NRBP1: variants seen among roughly 807,000 people sequenced by gnomAD.
NRBP1 encodes the protein nuclear receptor-binding protein.
NRBP1 carries 10 observed loss-of-function variants against 76.0 expected under a neutral mutation model. The observed-to-expected ratio is 0.13, with a 90% CI of 0.08 to 0.22. NRBP1 has a LOEUF of 0.22. Ranked by LOEUF, NRBP1 falls within the 10% of genes least tolerant of loss-of-function variation. The pLI is 1.00. For missense variants in NRBP1, 344 were observed against 646.0 expected (o/e 0.53, Z 5.07); for synonymous variants, 235 against 240.2 (o/e 0.98, Z 0.20).
chr2:27,430,306 A>C (rs1209202527), intron 1 of NRBP1, among the ~76,000 whole-genome samples: 2 of 152,160 alleles, frequency 1.3e-5, no homozygotes, highest in Non-Finnish European at 2.9e-5. Context: ...AGTTAAACGT[A>C]GTGTAGATTG....
intron 1 of NRBP1, among the ~76,000 whole-genome samples, chr2:27,430,469 CTTTTTT>C (rs977927783): frequency 2.2e-5 from 3 of 138,688 alleles, no homozygotes. Context: ...TTCTTTTTTT[CTTTTTT>C]TTTTTTTTTT....
Position 27,433,429 on chromosome 2 carries a change from G to A in NRBP1, c.156G>A (p.Glu52=). Residue 52 remains glutamate, a synonymous_variant, in exon 2 of 18, where the codon GAG becomes GAA. Coordinates refer to ENST00000379852, the MANE Select transcript of NRBP1 (RefSeq NM_013392.4). Reference sequence around the variant, plus strand: ...AGGAAGAAGAAGAAAGTGAAGATGAGTCTGAGATTTTGGAAGAGTCGCCCT... The same window carrying A: ...AGGAAGAAGAAGAAAGTGAAGATGAATCTGAGATTTTGGAAGAGTCGCCCT... ...SPEEEEESED[E]SEILEESPCG... is the part of the protein sequence containing the mutation. 3 of 1,614,264 alleles carry A rather than the reference G, an allele frequency of 1.9e-6. No individual in the cohort carries two copies. Among genetic ancestry groups the A allele is most frequent in the Non-Finnish European group, 2.5e-6 (3 of 1,180,048 alleles).
chr2:27,434,563 A>G lies in NRBP1; in HGVS notation c.525+3A>G, dbSNP rs1177112456. 1 of 1,613,098 alleles carries G rather than the reference A, an allele frequency of 6.2e-7. No individual in the cohort carries two copies. Among genetic ancestry groups the G allele is most frequent in the Non-Finnish European group, 8.5e-7 (1 of 1,179,022 alleles). On this transcript the variant is annotated splice_donor_region_variant and intron_variant, in intron 5 of 17. Coordinates refer to ENST00000379852, the MANE Select transcript of NRBP1 (RefSeq NM_013392.4). ...ACCACAAGACGATGAATGAAAAGGT[A>G]TAGAAGGAGAGCAGACAAAGTTTGA...
intron 14 of NRBP1, 50 bp downstream of exon 14, chr2:27,440,990 G>A (rs1431342623): frequency 3.1e-6 from 5 of 1,611,652 alleles, no homozygotes; most frequent in African/African-American, 1.3e-5. Context: ...GTGGAAGGGA[G>A]AGAGGACATC....
chr2:27,435,353 C>T, intron 7 of NRBP1, 126 bp downstream of exon 7: 1 of 713,190 alleles, frequency 1.4e-6, no homozygotes, highest in Non-Finnish European at 2.4e-6. Context: ...AGAGAAAGGA[C>T]CTTGCTAGGA....
rs1664614824 is a variant in NRBP1, at chr2:27,442,209, A to G, written c.*397A>G. 1 of 539,902 alleles carries G rather than the reference A, an allele frequency of 1.9e-6. No homozygotes were observed. Among genetic ancestry groups the G allele is most frequent in the Non-Finnish European group, 3.2e-6 (1 of 313,650 alleles). 33.4% of individuals were successfully genotyped at this position (539,902 alleles called of 1,614,324 possible). On this transcript the variant is annotated 3_prime_UTR_variant, in exon 18 of 18. Transcript: ENST00000379852. ...GCTGCAGTGGTGGCCCTGGGGGGCC[A>G]TTCGATTCGCCTCAGTTGCTGCTGT...
Position 27,442,214 on chromosome 2 carries a change from A to C in NRBP1, c.*402A>C. 1 of 552,362 alleles carries C rather than the reference A, an allele frequency of 1.8e-6. No homozygotes were observed. The highest frequency in any genetic ancestry group is 3.8e-5 in the Admixed American group (1 of 25,978). The allele number at this position is 552,362 out of a possible 1,614,324, so 34.2% of individuals were successfully genotyped here. A position where few individuals can be genotyped will look rare whatever the true frequency, so the allele number is the denominator to read the frequency against. ...AGTGGTGGCCCTGGGGGGCCATTCGATTCGCCTCAGTTGCTGCTGTAATAA... is the reference window on the plus strand; with the variant it reads ...AGTGGTGGCCCTGGGGGGCCATTCGCTTCGCCTCAGTTGCTGCTGTAATAA... On this transcript the variant is annotated 3_prime_UTR_variant, in exon 18 of 18. Transcript: ENST00000379852.
chr2:27,438,210 T>C (rs1664390325), intron 10 of NRBP1, among the ~76,000 whole-genome samples: 1 of 149,178 alleles, frequency 6.7e-6, no homozygotes, highest in Non-Finnish European at 1.5e-5. Context: ...AATTTGAATG[T>C]GTCTACATGG....
rs1414226968 is a variant in NRBP1, at chr2:27,441,097, C to G, written c.1330-30C>G. On this transcript the variant is annotated intron_variant, in intron 14 of 17. Coordinates refer to ENST00000379852, the MANE Select transcript of NRBP1 (RefSeq NM_013392.4). ...GGTATTGGGTTTTTTATGGACAGGT[C>G]TCTAGAGTGACCCTCTCTTCCCTCC... 2.5e-6 allele frequency: 4 copies of G among 1,612,352 alleles called. No individual in the cohort carries two copies. The Admixed American group carries it at 6.7e-5, about 27-fold the overall frequency.
At chr2:27,437,437 G>A in intron 10 of NRBP1, 77 bp downstream of exon 10, 2 of 1,049,998 alleles carry the variant, frequency 1.9e-6, no homozygotes, top group African/African-American at 1.6e-5. Context: ...GTACCCACTG[G>A]GTATATGCTC....
chr2:27,428,403 C>A (rs1558330749), upstream of NRBP1: 1 of 366,420 alleles, frequency 2.7e-6, no homozygotes, highest in Non-Finnish European at 4.9e-6. Flanking sequence ...CTGGACCGGG[C>A]GGTGGGGTGG....
chr2:27,441,720 C>T lies in NRBP1; in HGVS notation c.1516C>T (p.Arg506Trp), dbSNP rs778753969. 1.9e-6 allele frequency: 3 copies of T among 1,613,728 alleles called. No homozygotes were observed. Among genetic ancestry groups the T allele is most frequent in the Admixed American group, 1.7e-5 (1 of 59,992 alleles). ...LGFISEADQS[R>W]LTSLLEETLN... ...TCTTCTCCCCCAGGCTGACCAGAGC[C>T]GGTTGACTTCTCTGCTAGAAGAGAC... The change falls in exon 18 of 18, where the codon CGG becomes TGG. Residue 506 changes from arginine (R) to tryptophan (W), a missense_variant. This residue lies in a region of NRBP1 where 218 missense variants were observed against 309.8 expected (regional missense o/e 0.70). Coordinates refer to ENST00000379852, the MANE Select transcript of NRBP1 (RefSeq NM_013392.4).
chr2:27,441,185 G>A lies in NRBP1; in HGVS notation c.1383+5G>A, dbSNP rs1664537616. The A allele has an allele frequency of 5.6e-6, 9 of 1,614,082 alleles. No homozygotes were observed. Among genetic ancestry groups the A allele is most frequent in the Non-Finnish European group, 7.6e-6 (9 of 1,179,990 alleles). ...GAGGAGGGAGTCAAACACCACGTAAGGCTCAGGGCTAGGGTTGCGCAGGGC... is the reference window on the plus strand; with the variant it reads ...GAGGAGGGAGTCAAACACCACGTAAAGCTCAGGGCTAGGGTTGCGCAGGGC... On this transcript the variant is annotated splice_donor_5th_base_variant and intron_variant, in intron 15 of 17. Coordinates refer to ENST00000379852, the MANE Select transcript of NRBP1 (RefSeq NM_013392.4).
intron 6 of NRBP1, 64 bp from the exon 7 acceptor site, chr2:27,435,069 A>T: frequency 1.0e-6 from 1 of 955,474 alleles, no homozygotes; most frequent in Non-Finnish European, 1.7e-6. Flanking sequence ...GCTCCTCTTA[A>T]CCCTTGGGTT....
At chr2:27,435,282 G>A in intron 7 of NRBP1, 55 bp downstream of exon 7, 1 of 1,478,896 alleles carries the variant, frequency 6.8e-7, no homozygotes, top group East Asian at 2.3e-5. Context: ...GGGAACCATG[G>A]GGGTAAGATG....
chr2:27,433,182 A>C, intron 1 of NRBP1, 72 bp from the exon 2 acceptor site: 1 of 1,137,958 alleles, frequency 8.8e-7, no homozygotes, highest in South Asian at 1.3e-5. Flanking sequence ...TCCAGCCTGG[A>C]TTACTAAATC....
intron 7 of NRBP1, chr2:27,435,452 C>A (rs1263483059): frequency 1.3e-5 from 8 of 603,888 alleles, no homozygotes; most frequent in Non-Finnish European, 2.4e-5. Context: ...GGGGTTAATA[C>A]AGAGATACTG....
rs1664257821 is a variant in NRBP1 at position 27,435,237 on chromosome 2, G to A, written c.661+10G>A. 3 of 1,612,206 alleles carry A rather than the reference G, an allele frequency of 1.9e-6. No homozygotes were observed. In the East Asian group the frequency reaches 6.7e-5, roughly 36 times the overall value. On this transcript the variant is annotated intron_variant, in intron 7 of 17. Coordinates refer to ENST00000379852, the MANE Select transcript of NRBP1 (RefSeq NM_013392.4). ...ATCAAGATTGGCTCTGGTGAGGGGA[G>A]GGAGAGGTTCTGGGCAGGGGAGCCT...
Position 27,439,995 on chromosome 2 carries a change from CTTTTTTTTTTTTTTTT to C in NRBP1, c.1036+118_1036+133del, listed in dbSNP as rs70953859. The C allele has an allele frequency of 9.5e-3, 4,356 of 459,112 alleles. 52 individuals are homozygous for C. The highest frequency in any genetic ancestry group is 0.011 in the Non-Finnish European group (3,301 of 305,732). The allele number at this position is 459,112 out of a possible 1,614,324, so 28.4% of individuals were successfully genotyped here. Reference sequence around the variant, plus strand: ...TTTCCTCTTTATTTCCAAAGGGATTCTTTTTTTTTTTTTTTTTTTTTTTTTTTTTTTTTTTTGAGAC... The same window carrying C: ...TTTCCTCTTTATTTCCAAAGGGATTCTTTTTTTTTTTTTTTTTTTTGAGAC... On this transcript the variant is annotated intron_variant, in intron 11 of 17. Transcript: ENST00000379852.
Sources: allele counts gnomAD v4.1 joint callset (sites outside exome capture counted in the v4.1 genomes callset), GRCh38; gene constraint gnomAD v4.1.1; regional missense constraint gnomAD v4.1.1; transcripts MANE v1.5; gene names NCBI Gene and HGNC (gene_info 2026-07-23, HGNC 2026-07-21).